Variants in IP6K1 observed in about 807,000 individuals in gnomAD.
The protein encoded by IP6K1 is inositol hexakisphosphate kinase 1.
IP6K1 carries 13 observed loss-of-function variants against 38.3 expected under a neutral mutation model. The ratio of observed to expected loss-of-function variants is 0.34; its 90% confidence interval spans 0.22 to 0.54. The LOEUF (loss-of-function observed/expected upper bound fraction) is 0.54. Ranked by LOEUF, IP6K1 falls within the 20% of genes least tolerant of loss-of-function variation. The probability of loss-of-function intolerance (pLI) is 0.92; values close to 1 mark genes in which losing one functional copy is unlikely to be tolerated. For missense variants in IP6K1, 397 were observed against 599.8 expected (o/e 0.66, Z 3.53); for synonymous variants, 212 against 229.9 (o/e 0.92, Z 0.70).
intron 1 of IP6K1, among the ~76,000 whole-genome samples, chr3:49,783,712 CAAA>C (rs10713526): frequency 3.3e-5 from 4 of 122,074 alleles, no homozygotes; most frequent in Non-Finnish European, 1.7e-5. Flanking sequence ...GATTCCGTCT[CAAA>C]AAAAAAAAAA....
intron 1 of IP6K1, among the ~76,000 whole-genome samples, chr3:49,750,770 C>T (rs1190045619): frequency 6.6e-6 from 1 of 152,098 alleles, no homozygotes; most frequent in Non-Finnish European, 1.5e-5. Flanking sequence ...TCTGCAGCTT[C>T]CACAGGACTG....
chr3:49,743,157 T>G (rs186867950), intron 2 of IP6K1, among the ~76,000 whole-genome samples: 8 of 150,738 alleles, frequency 5.3e-5, no homozygotes, highest in Non-Finnish European at 1.0e-4. Context: ...GAGGTAGAGG[T>G]TGCAGTGAGC....
At chr3:49,785,726 G>A (rs754985300) in intron 1 of IP6K1, 1 of 152,180 alleles carries the variant, frequency 6.6e-6, no homozygotes, top group African/African-American at 2.4e-5. Context: ...TGGTGGTGAA[G>A]AACCAAAGAA....
At chr3:49,778,703 G>A (rs887144901) in intron 1 of IP6K1, among the ~76,000 whole-genome samples, 8 of 152,074 alleles carry the variant, frequency 5.3e-5, no homozygotes, top group African/African-American at 1.9e-4. Flanking sequence ...ACAGCTCACT[G>A]CAGCCTCAAA....
At chr3:49,770,849 C>CCCGTA (rs1470998951) in intron 1 of IP6K1, among the ~76,000 whole-genome samples, 3 of 152,102 alleles carry the variant, frequency 2.0e-5, no homozygotes, top group Non-Finnish European at 4.4e-5. Flanking sequence ...CTTGATCACA[C>CCCGTA]CCGTATTCCT....
chr3:49,770,244 G>A (rs576119204), intron 1 of IP6K1, among the ~76,000 whole-genome samples: 1 of 152,074 alleles, frequency 6.6e-6, no homozygotes, highest in African/African-American at 2.4e-5. Flanking sequence ...GCTAAGTTTT[G>A]GAATAATTTG....
intron 1 of IP6K1, among the ~76,000 whole-genome samples, chr3:49,780,263 G>C (rs1243342665): frequency 1.7e-5 from 2 of 121,010 alleles, no homozygotes; most frequent in Non-Finnish European, 3.3e-5. Context: ...CTAAATAAAC[G>C]TAACTTCAAA....
intron 1 of IP6K1, among the ~76,000 whole-genome samples, chr3:49,774,407 C>CAAAAAAA (rs777187857): frequency 2.9e-4 from 13 of 44,234 alleles, no homozygotes; most frequent in South Asian, 1.3e-3. Flanking sequence ...GACTCCATCT[C>CAAAAAAA]AAAAAAAAAA....
chr3:49,766,291 C>G (rs1471505127), intron 1 of IP6K1, among the ~76,000 whole-genome samples: 1 of 151,936 alleles, frequency 6.6e-6, no homozygotes, highest in African/African-American at 2.4e-5. Flanking sequence ...ATCACTTGAG[C>G]CCAAGAGATC....
chr3:49,743,609 T>G (rs1047433808), intron 2 of IP6K1, among the ~76,000 whole-genome samples: 38 of 136,620 alleles, frequency 2.8e-4, no homozygotes, highest in Admixed American at 2.6e-3. Context: ...AGCCATAGTT[T>G]TTTTTTTTTG....
chr3:49,779,954 C>T (rs1198353953), intron 1 of IP6K1, among the ~76,000 whole-genome samples: 1 of 152,104 alleles, frequency 6.6e-6, no homozygotes, highest in Admixed American at 6.6e-5. Context: ...TCCAAAAGTT[C>T]TGGAATTATG....
At chr3:49,773,407 G>A (rs1409029843) in intron 1 of IP6K1, among the ~76,000 whole-genome samples, 19 of 152,012 alleles carry the variant, frequency 1.2e-4, no homozygotes, top group Admixed American at 1.2e-3. Flanking sequence ...TCAGGATATC[G>A]AGACCATCCT....
intron 1 of IP6K1, among the ~76,000 whole-genome samples, chr3:49,783,376 C>T (rs2081084446): frequency 6.7e-6 from 1 of 150,190 alleles, no homozygotes; most frequent in South Asian, 2.1e-4. Flanking sequence ...GAAACCCTGT[C>T]TCAGAAAAAA....
At chr3:49,744,825 C>T (rs910803995) in intron 2 of IP6K1, among the ~76,000 whole-genome samples, 6 of 152,166 alleles carry the variant, frequency 3.9e-5, no homozygotes, top group African/African-American at 1.2e-4. Context: ...CACATACACA[C>T]ATCTAATTGC....
At chr3:49,771,148 T>C (rs1411750760) in intron 1 of IP6K1, among the ~76,000 whole-genome samples, 1 of 94,428 alleles carries the variant, frequency 1.1e-5, no homozygotes, top group East Asian at 2.9e-4. Context: ...ACAAAAAATA[T>C]AGTATCCAGA....
chr3:49,771,194 A>C (rs1341341542), intron 1 of IP6K1, among the ~76,000 whole-genome samples: 7 of 141,922 alleles, frequency 4.9e-5, no homozygotes, highest in African/African-American at 2.0e-4. Context: ...GTAACAAAAA[A>C]AAAAAAAAAA....
intron 1 of IP6K1, among the ~76,000 whole-genome samples, chr3:49,777,815 G>A (rs952354943): frequency 3.3e-5 from 5 of 151,178 alleles, no homozygotes; most frequent in Admixed American, 6.6e-5. Flanking sequence ...CTCGGGAGGC[G>A]AAGGCAGGAG....
rs1428454165 is a variant in IP6K1, at chr3:49,738,296, T to G, written c.350A>C (p.His117Pro). ...TGACCGGTGCAGGCTCCGGCGGGAG[T>G]GTTTGCGCCGAGGTTGCTCCCGTTC... ...TTEREQPRRK[H>P]SRRSLHRSGS... The change falls in exon 3 of 6, where the codon CAC becomes CCC. Residue 117 changes from histidine to proline, a missense_variant. Around this residue, in one of 3 missense-constraint regions of IP6K1, gnomAD observed 171 missense variants for 237.0 expected, o/e 0.72. Transcript: ENST00000321599. 1.9e-6 allele frequency: 3 copies of G among 1,613,822 alleles called. No individual in the cohort carries two copies. The highest frequency in any genetic ancestry group is 2.2e-5 in the South Asian group (2 of 91,074).
chr3:49,756,292 GAATT>G (rs1311172846), intron 1 of IP6K1, among the ~76,000 whole-genome samples: 5 of 152,170 alleles, frequency 3.3e-5, no homozygotes, highest in Non-Finnish European at 7.4e-5. Flanking sequence ...AGCAAGAACA[GAATT>G]AATTTAGGTC....
Sources: gnomAD v4.1 joint callset for allele counts (sites outside exome capture counted in the v4.1 genomes callset) on GRCh38, gnomAD v4.1.1 for gene constraint, gnomAD v4.1.1 regional missense constraint, MANE v1.5 for transcripts, NCBI Gene and HGNC (gene_info 2026-07-23, HGNC 2026-07-21) for gene names.